FBN1: variants seen among roughly 807,000 people sequenced by gnomAD.
FBN1 encodes the protein fibrillin-1.
Under a neutral mutation model 365.1 loss-of-function variants are expected in FBN1, and 29 were observed. The observed-to-expected ratio is 0.08, with a 90% confidence interval of 0.06 to 0.11. The LOEUF (loss-of-function observed/expected upper bound fraction) is 0.11. Ranked by LOEUF, FBN1 falls within the 10% of genes least tolerant of loss-of-function variation. The pLI, the probability that FBN1 is intolerant of heterozygous loss-of-function variation, is 1.00. For missense variants in FBN1, 2,476 were observed against 3,703.2 expected (o/e 0.67, Z 8.60); for synonymous variants, 1,210 against 1,270.5 (o/e 0.95, Z 1.01).
intron 18 of FBN1, among the ~76,000 whole-genome samples, chr15:48,498,343 T>C (rs1036965809): frequency 6.6e-6 from 1 of 152,176 alleles, no homozygotes; most frequent in East Asian, 1.9e-4. Context: ...TGACAATCAA[T>C]TCAGCCAGTC....
At chr15:48,502,463 T>C (rs1261533202) in intron 17 of FBN1, among the ~76,000 whole-genome samples, 1 of 152,280 alleles carries the variant, frequency 6.6e-6, no homozygotes, top group Non-Finnish European at 1.5e-5. Context: ...TTTAAAATTA[T>C]GATTTACTCT....
At position 48,463,186 on chromosome 15, in the gene FBN1, T is replaced by C. The variant is rs2043293204; in HGVS notation, c.5120A>G (p.Asp1707Gly). Reference sequence around the variant, plus strand: ...GGTCATGTTGAATAACAATTCTCCATCACAGGTCTGGTTGTCAGCATAGTA... The same window carrying C: ...GGTCATGTTGAATAACAATTCTCCACCACAGGTCTGGTTGTCAGCATAGTA... ...RNYYADNQTC[D>G]GELLFNMTKK... Residue 1707 changes from aspartate to glycine, a missense_variant, in exon 42 of 66, where the codon GAT becomes GGT. Asp to Gly is a moderately conservative substitution (Grantham distance 94). Around this residue, in one of 5 missense-constraint regions of FBN1, gnomAD observed 1,780 missense variants for 2,840.8 expected, o/e 0.63. Transcript: ENST00000316623. 6.2e-7 allele frequency: 1 copy of C among 1,613,988 alleles called. No homozygotes were observed. Among genetic ancestry groups the C allele is most frequent in the African/African-American group, 1.3e-5 (1 of 74,924 alleles).
intron 6 of FBN1, among the ~76,000 whole-genome samples, chr15:48,543,522 C>T (rs2044074365): frequency 1.3e-5 from 2 of 152,156 alleles, no homozygotes; most frequent in African/African-American, 2.4e-5. Flanking sequence ...AAGGCTTAAT[C>T]TAATCAAACT....
intron 43 of FBN1, among the ~76,000 whole-genome samples, chr15:48,458,513 T>G (rs1288077865): frequency 6.6e-6 from 1 of 152,138 alleles, no homozygotes; most frequent in Non-Finnish European, 1.5e-5. Flanking sequence ...GTATCATAAG[T>G]AAACAAAAAA....
chr15:48,521,638 G>A (rs16961084), intron 9 of FBN1, among the ~76,000 whole-genome samples: 11 of 152,026 alleles, frequency 7.2e-5, no homozygotes, highest in African/African-American at 9.7e-5. Context: ...TCTGGGTTAC[G>A]GAAAGAGTTT....
intron 6 of FBN1, among the ~76,000 whole-genome samples, chr15:48,562,167 C>T (rs538014981): frequency 2.0e-5 from 3 of 152,142 alleles, no homozygotes; most frequent in East Asian, 1.9e-4. Context: ...CTCAGTTCAC[C>T]GAAACTCCTC....
At position 48,600,176 on chromosome 15, in the gene FBN1, T is replaced by C. The variant is rs187254268; in HGVS notation, c.405A>G (p.Leu135=). ...GAGTCCCTATGTATCCTTTCTGGCA[T>C]AGACAGTGATCGTCACTGCAGCTAC... ...NGGSCSDDHC[L]CQKGYIGTHC... Residue 135 remains leucine, a synonymous_variant, in exon 5 of 66, where the codon CTA becomes CTG. Transcript: ENST00000316623. 120 of 1,613,956 alleles carry C rather than the reference T, an allele frequency of 7.4e-5. No homozygotes were observed. Among genetic ancestry groups the C allele is most frequent in the Non-Finnish European group, 1.0e-4 (118 of 1,179,838 alleles).
intron 36 of FBN1, among the ~76,000 whole-genome samples, chr15:48,469,639 G>A (rs1389676679): frequency 6.6e-6 from 1 of 152,092 alleles, no homozygotes; most frequent in East Asian, 1.9e-4. Context: ...CCTCCTGCGG[G>A]TTGCGCTGCA....
chr15:48,422,373 A>AT (rs1195803916), intron 60 of FBN1, among the ~76,000 whole-genome samples: 5 of 152,238 alleles, frequency 3.3e-5, no homozygotes, highest in Admixed American at 1.3e-4. Context: ...AAATCATGAC[A>AT]TTTTAAACAA....
At chr15:48,599,218 C>T (rs949324297) in intron 5 of FBN1, among the ~76,000 whole-genome samples, 2 of 152,012 alleles carry the variant, frequency 1.3e-5, no homozygotes, top group African/African-American at 4.8e-5. Context: ...TAAATATATA[C>T]ACAAAAGCAA....
intron 9 of FBN1, 51 bp downstream of exon 9, chr15:48,526,079 T>C: frequency 1.2e-6 from 2 of 1,611,448 alleles, no homozygotes; most frequent in East Asian, 2.2e-5. Context: ...AAGTTGTTTG[T>C]TATGGAACTG....
In FBN1 at chr15:48,600,130, T is replaced by G; in HGVS notation, c.442+9A>C. On this transcript the variant is annotated intron_variant, in intron 5 of 65. Transcript: ENST00000316623. Reference sequence around the variant, plus strand: ...ACATCTAGAATACTTATAACTACAGTGTACTTACGTTGTCCACAGTGAGTC... The same window carrying G: ...ACATCTAGAATACTTATAACTACAGGGTACTTACGTTGTCCACAGTGAGTC... 6.3e-7 allele frequency: 1 copy of G among 1,585,512 alleles called. No homozygotes were observed.
At chr15:48,523,756 G>C (rs775320778) in intron 9 of FBN1, among the ~76,000 whole-genome samples, 2 of 151,364 alleles carry the variant, frequency 1.3e-5, no homozygotes, top group Non-Finnish European at 2.9e-5. Flanking sequence ...TTTGTACAGA[G>C]GGTAAGGGGT....
At chr15:48,504,145 G>A (rs1194853813) in intron 16 of FBN1, among the ~76,000 whole-genome samples, 1 of 152,166 alleles carries the variant, frequency 6.6e-6, no homozygotes, top group Admixed American at 6.5e-5. Flanking sequence ...GGAAACCAAT[G>A]GCCAGATTGC....
At chr15:48,474,424 A>G (rs2141279961) in intron 33 of FBN1, 47 bp from the exon 34 acceptor site, 1 of 1,613,142 alleles carries the variant, frequency 6.2e-7, no homozygotes, top group Non-Finnish European at 8.5e-7. Flanking sequence ...GGTGGTATTT[A>G]AAACCAATAA....
intron 20 of FBN1, 112 bp downstream of exon 20, chr15:48,495,988 A>C (rs1284861156): frequency 7.2e-7 from 1 of 1,380,790 alleles, no homozygotes; most frequent in Non-Finnish European, 1.0e-6. Context: ...AATTTCAACT[A>C]AACTGGCATA....
At chr15:48,494,720 C>T (rs11635605) in intron 22 of FBN1, among the ~76,000 whole-genome samples, 11,767 of 152,222 alleles carry the variant, frequency 0.077, 493 homozygotes, top group Middle Eastern at 0.14. Context: ...GGTTCTCAAA[C>T]CTCAAGTTCC....
chr15:48,452,666 T>C lies in FBN1; in HGVS notation c.5441A>G (p.Asn1814Ser), dbSNP rs775463311. 11 of 1,614,198 alleles carry C rather than the reference T, an allele frequency of 6.8e-6. No individual in the cohort carries two copies. Among genetic ancestry groups the C allele is most frequent in the South Asian group, 2.2e-5 (2 of 91,088 alleles). The change falls in exon 45 of 66, where the codon AAC becomes AGC. Residue 1814 changes from asparagine to serine, a missense_variant. Asn to Ser is a conservative substitution (Grantham distance 46). This residue lies in a region of FBN1 where 1,780 missense variants were observed against 2,840.8 expected (regional missense o/e 0.63). Transcript: ENST00000316623. ...GGCGTTGCGCTGGCACACTGGGCCGTTCTGACACTCGTCAATATCTACGAG... is the reference window on the plus strand; with the variant it reads ...GGCGTTGCGCTGGCACACTGGGCCGCTCTGACACTCGTCAATATCTACGAG... ...LVCEDIDECQ[N>S]GPVCQRNAEC...
intron 52 of FBN1, 52 bp downstream of exon 52, chr15:48,437,270 A>C: frequency 6.6e-7 from 1 of 1,505,322 alleles, no homozygotes; most frequent in South Asian, 1.1e-5. Context: ...ACTAGAGAAG[A>C]AGCAGATTGA....
Sources: gnomAD v4.1 joint callset for allele counts (sites outside exome capture counted in the v4.1 genomes callset) on GRCh38, gnomAD v4.1.1 for gene constraint, gnomAD v4.1.1 regional missense constraint, MANE v1.5 for transcripts, NCBI Gene and HGNC (gene_info 2026-07-23, HGNC 2026-07-21) for gene names.